Variants in GRIK1 observed in about 807,000 individuals in gnomAD.
The protein encoded by GRIK1 is glutamate ionotropic receptor kainate type subunit 1.
Under a neutral mutation model 105.7 loss-of-function variants are expected in GRIK1, and 69 were observed. The ratio of observed to expected loss-of-function variants is 0.65; its 90% confidence interval spans 0.54 to 0.80. GRIK1 has a LOEUF of 0.80. Ranked by LOEUF, GRIK1 falls within the 30% of genes least tolerant of loss-of-function variation. The probability of loss-of-function intolerance (pLI) is 0.00; values close to 1 mark genes in which losing one functional copy is unlikely to be tolerated. For missense variants in GRIK1, 1,109 were observed against 1,167.3 expected (o/e 0.95, Z 0.73); for synonymous variants, 438 against 431.3 (o/e 1.02, Z -0.19).
At chr21:29,845,485 C>T (rs1475437025) in intron 1 of GRIK1, among the ~76,000 whole-genome samples, 1 of 152,118 alleles carries the variant, frequency 6.6e-6, no homozygotes, top group African/African-American at 2.4e-5. Flanking sequence ...CTTTCTTTCT[C>T]TCAAATGTTT....
intron 1 of GRIK1, among the ~76,000 whole-genome samples, chr21:29,716,938 T>C (rs1203057737): frequency 6.6e-6 from 1 of 151,954 alleles, no homozygotes; most frequent in Non-Finnish European, 1.5e-5. Context: ...GGAGAAATGG[T>C]TTTGTGGTCT....
Position 29,785,260 on chromosome 21 carries a change from G to C in GRIK1, c.119-91197C>G, listed in dbSNP as rs371633164. On this transcript the variant is annotated intron_variant, in intron 1 of 17. Coordinates refer to ENST00000327783, the MANE Select transcript of GRIK1 (RefSeq NM_001330994.2). ...AAGTTGAACTTTGAGGATTTATTTT[G>C]ACTTTTAAAAACGCTACTTCAGGCT... Among the ~76,000 whole-genome samples, 177 of 152,236 alleles carry C rather than the reference G, an allele frequency of 1.2e-3. 4 individuals carry two copies. In the South Asian group the frequency reaches 0.036, roughly 31 times the overall value.
intron 7 of GRIK1, among the ~76,000 whole-genome samples, chr21:29,620,924 C>CTA (rs1266702720): frequency 7.2e-6 from 1 of 139,646 alleles, no homozygotes; most frequent in Non-Finnish European, 1.5e-5. Context: ...ATTCTATATT[C>CTA]TATATATGCT....
At chr21:29,573,357 C>T (rs1390037669) in intron 14 of GRIK1, among the ~76,000 whole-genome samples, 1 of 152,142 alleles carries the variant, frequency 6.6e-6, no homozygotes, top group East Asian at 1.9e-4. Context: ...CCAAACATGT[C>T]GTAATGTAGT....
At chr21:29,838,872 T>C (rs1423277371) in intron 1 of GRIK1, among the ~76,000 whole-genome samples, 1 of 152,104 alleles carries the variant, frequency 6.6e-6, no homozygotes, top group African/African-American at 2.4e-5. Flanking sequence ...ACCTCACAGA[T>C]CACAGAAATT....
chr21:29,692,822 C>T (rs1317421793), intron 2 of GRIK1, among the ~76,000 whole-genome samples: 2 of 152,358 alleles, frequency 1.3e-5, no homozygotes, highest in Non-Finnish European at 2.9e-5. Flanking sequence ...ATCCACCTGC[C>T]TCGGCCACCC....
At chr21:29,544,343 G>T (rs752077046) in intron 16 of GRIK1, among the ~76,000 whole-genome samples, 2 of 152,136 alleles carry the variant, frequency 1.3e-5, no homozygotes, top group Admixed American at 1.3e-4. Context: ...GGGTGGCCAC[G>T]CAGGGCTACC....
chr21:29,926,483 T>A (rs1321939247), intron 1 of GRIK1, among the ~76,000 whole-genome samples: 1 of 152,200 alleles, frequency 6.6e-6, no homozygotes, highest in Non-Finnish European at 1.5e-5. Flanking sequence ...GGTTAAGAAT[T>A]GTGGCTTGCT....
intron 1 of GRIK1, among the ~76,000 whole-genome samples, chr21:29,923,856 G>A (rs539247353): frequency 7.9e-5 from 12 of 152,242 alleles, no homozygotes; most frequent in African/African-American, 1.4e-4. Context: ...TATCTGAAAG[G>A]TTCAGAGGGG....
intron 1 of GRIK1, among the ~76,000 whole-genome samples, chr21:29,750,109 A>G (rs891068909): frequency 6.6e-6 from 1 of 152,150 alleles, no homozygotes; most frequent in Non-Finnish European, 1.5e-5. Flanking sequence ...GAATCAGGGT[A>G]GAAGAATTAA....
intron 1 of GRIK1, among the ~76,000 whole-genome samples, chr21:29,819,583 A>G (rs1433068801): frequency 6.6e-6 from 1 of 152,024 alleles, no homozygotes; most frequent in Non-Finnish European, 1.5e-5. Flanking sequence ...ATTTCCAATC[A>G]AATTGCATTC....
chr21:29,817,405 C>T (rs1280041912), intron 1 of GRIK1, among the ~76,000 whole-genome samples: 3 of 152,082 alleles, frequency 2.0e-5, no homozygotes, highest in Admixed American at 2.0e-4. Context: ...ATGATCATTA[C>T]TTAATAATAG....
intron 1 of GRIK1, among the ~76,000 whole-genome samples, chr21:29,857,426 G>C (rs1184817122): frequency 6.6e-6 from 1 of 152,148 alleles, no homozygotes; most frequent in Non-Finnish European, 1.5e-5. Context: ...ACTAAGAAAT[G>C]TTTCTTACAA....
At chr21:29,782,287 C>G (rs1207904898) in intron 1 of GRIK1, among the ~76,000 whole-genome samples, 1 of 151,880 alleles carries the variant, frequency 6.6e-6, no homozygotes, top group Non-Finnish European at 1.5e-5. Flanking sequence ...AGGGTTTCAC[C>G]GTGTTAGCCA....
chr21:29,708,182 G>A (rs559521862), intron 1 of GRIK1, among the ~76,000 whole-genome samples: 1 of 152,284 alleles, frequency 6.6e-6, no homozygotes, highest in Non-Finnish European at 1.5e-5. Context: ...ATGTATTATA[G>A]AAAATATTTA....
rs114409119 is a variant in GRIK1, at chr21:29,742,502, T to A, written c.119-48439A>T. ...TCTCAGAGAAAAGAGCCTAGCTCCG[T>A]CTGAACTCACGGAACATTAATCAAT... On this transcript the variant is annotated intron_variant, in intron 1 of 17. Transcript: ENST00000327783. Among the ~76,000 whole-genome samples, 778 of 152,328 alleles carry A rather than the reference T, an allele frequency of 5.1e-3. 7 individuals are homozygous for A. The highest frequency in any genetic ancestry group is 0.018 in the African/African-American group (742 of 41,576).
intron 7 of GRIK1, among the ~76,000 whole-genome samples, chr21:29,632,176 A>G (rs1805187652): frequency 6.6e-6 from 1 of 152,176 alleles, no homozygotes; most frequent in African/African-American, 2.4e-5. Flanking sequence ...ATAATATAGC[A>G]ATGCCCATTT....
intron 16 of GRIK1, among the ~76,000 whole-genome samples, chr21:29,545,749 C>G (rs1231052073): frequency 6.6e-6 from 1 of 152,004 alleles, no homozygotes; most frequent in Non-Finnish European, 1.5e-5. Flanking sequence ...TTTCGGGGTA[C>G]CAGTTTATGC....
At chr21:29,890,183 A>G (rs2069840100) in intron 1 of GRIK1, among the ~76,000 whole-genome samples, 1 of 152,178 alleles carries the variant, frequency 6.6e-6, no homozygotes, top group African/African-American at 2.4e-5. Flanking sequence ...TCAGTGTCCT[A>G]CACACCATAG....
Sources: allele counts gnomAD v4.1 joint callset (sites outside exome capture counted in the v4.1 genomes callset), GRCh38; gene constraint gnomAD v4.1.1; transcripts MANE v1.5; gene names NCBI Gene and HGNC (gene_info 2026-07-23, HGNC 2026-07-21).